Variants in UNC79 observed in about 807,000 individuals in gnomAD.
UNC79 encodes protein unc-79 homolog.
A neutral mutation model predicts 283.1 loss-of-function variants in UNC79; 37 were observed. That is an observed-to-expected ratio of 0.13 (90% CI 0.10 to 0.17). The LOEUF (loss-of-function observed/expected upper bound fraction) is 0.17, where lower values mean the gene tolerates loss of function less well. UNC79 is among the 10% of genes least tolerant of loss of function. The pLI, the probability that UNC79 is intolerant of heterozygous loss-of-function variation, is 1.00. For missense variants in UNC79, 2,272 were observed against 3,211.1 expected, an observed-to-expected ratio of 0.71 and a Z score of 7.07; for synonymous variants, 1,107 against 1,200.2, an observed-to-expected ratio of 0.92 and a Z score of 1.61.
At chr14:93,349,564 T>A (rs957329014) in intron 1 of UNC79, among the ~76,000 whole-genome samples, 2 of 152,236 alleles carry the variant, frequency 1.3e-5, no homozygotes, top group African/African-American at 4.8e-5. Context: ...CAAAACTTTC[T>A]TCCCTTTTAT....
rs147453733 is a variant in UNC79 at position 93,670,287 on chromosome 14, TG to T, written c.6637-3061del. On this transcript the variant is annotated intron_variant, in intron 40 of 48. Transcript: ENST00000555664. The stretch of plus-strand genomic sequence containing the variant: ...TACCTGGAGATAGCATCAGATCCCA[TG>T]GGTTGAGGGCTCAGCCCCTAAGACT... 4.5e-3 allele frequency among the ~76,000 whole-genome samples: 678 copies of T among 152,318 alleles called. 16 individuals are homozygous for T. In the East Asian group the frequency reaches 0.068, roughly 15 times the overall value.
At chr14:93,375,365 G>A (rs2054534063) in intron 1 of UNC79, among the ~76,000 whole-genome samples, 1 of 152,186 alleles carries the variant, frequency 6.6e-6, no homozygotes, top group South Asian at 2.1e-4. Flanking sequence ...CTGAGTGACA[G>A]AGTAAGACCC....
chr14:93,396,234 G>GT (rs549450723), intron 1 of UNC79, among the ~76,000 whole-genome samples: 108 of 133,334 alleles, frequency 8.1e-4, no homozygotes, highest in East Asian at 2.2e-3. Context: ...TTTTCTCTTT[G>GT]TTTTTTTTTT....
intron 1 of UNC79, among the ~76,000 whole-genome samples, chr14:93,380,822 T>C (rs1163706242): frequency 6.6e-6 from 1 of 152,200 alleles, no homozygotes; most frequent in African/African-American, 2.4e-5. Context: ...TTTGCCAAAA[T>C]TGTAATATAT....
intron 1 of UNC79, among the ~76,000 whole-genome samples, chr14:93,368,326 T>C (rs763430135): frequency 6.6e-6 from 1 of 152,198 alleles, no homozygotes; most frequent in African/African-American, 2.4e-5. Flanking sequence ...TCTAAAGATA[T>C]GTTTACTAGA....
At chr14:93,511,368 T>C (rs1445692999) in intron 7 of UNC79, among the ~76,000 whole-genome samples, 3 of 152,336 alleles carry the variant, frequency 2.0e-5, no homozygotes, top group African/African-American at 7.2e-5. Flanking sequence ...GCAAATCTCC[T>C]TTATATCAGT....
At chr14:93,420,748 A>T (rs929395569) in intron 1 of UNC79, among the ~76,000 whole-genome samples, 1 of 151,826 alleles carries the variant, frequency 6.6e-6, no homozygotes, top group African/African-American at 2.4e-5. Context: ...TTAAAATAAT[A>T]TCAAGCACTT....
At chr14:93,446,415 G>GGATGGA in intron 1 of UNC79, among the ~76,000 whole-genome samples, 1 of 150,196 alleles carries the variant, frequency 6.7e-6, no homozygotes, top group East Asian at 1.9e-4. Flanking sequence ...TTTTGGTGGG[G>GGATGGA]GATGGAGTTT....
At chr14:93,454,028 C>T (rs2140182847) in intron 1 of UNC79, among the ~76,000 whole-genome samples, 1 of 149,196 alleles carries the variant, frequency 6.7e-6, no homozygotes, top group Non-Finnish European at 1.5e-5. Context: ...GAAGCATTTC[C>T]ATGTTTAGAC....
chr14:93,471,953 G>A (rs572576557), intron 2 of UNC79, among the ~76,000 whole-genome samples: 1 of 152,004 alleles, frequency 6.6e-6, no homozygotes, highest in South Asian at 2.1e-4. Context: ...AAATACTAAG[G>A]TATATTTGAA....
chr14:93,665,844 A>T (rs928822116), intron 40 of UNC79, among the ~76,000 whole-genome samples: 1 of 152,118 alleles, frequency 6.6e-6, no homozygotes, highest in Non-Finnish European at 1.5e-5. Context: ...CTTCTAATAG[A>T]TTCTTACTGA....
At chr14:93,635,236 TTGTTAC>T (rs1277897025) in intron 31 of UNC79, among the ~76,000 whole-genome samples, 2 of 152,222 alleles carry the variant, frequency 1.3e-5, no homozygotes, top group Non-Finnish European at 2.9e-5. Context: ...TTTCTAAACT[TTGTTAC>T]CACGTTTTGT....
At chr14:93,347,501 AG>A (rs2053879812) in intron 1 of UNC79, 1 of 1,268,002 alleles carries the variant, frequency 7.9e-7, no homozygotes, top group Non-Finnish European at 1.0e-6. Context: ...CTCGCGTGGG[AG>A]GCTCTTGTGG....
At chr14:93,561,998 T>C (rs953677427) in intron 14 of UNC79, among the ~76,000 whole-genome samples, 8 of 152,122 alleles carry the variant, frequency 5.3e-5, no homozygotes, top group South Asian at 2.1e-4. Flanking sequence ...ATAGACCTAA[T>C]AGAATGAAGG....
At chr14:93,479,957 T>C (rs2058040208) in intron 4 of UNC79, among the ~76,000 whole-genome samples, 1 of 152,350 alleles carries the variant, frequency 6.6e-6, no homozygotes, top group East Asian at 1.9e-4. Context: ...TTAATCTAAT[T>C]CACTAAATCC....
intron 5 of UNC79, among the ~76,000 whole-genome samples, chr14:93,493,890 TATATATATATA>T (rs1402732951): frequency 1.1e-4 from 8 of 70,838 alleles, no homozygotes; most frequent in East Asian, 3.9e-4. Flanking sequence ...TATATATATA[TATATATATATA>T]TTTTTTTTTT....
At chr14:93,625,764 T>C (rs998446102) in intron 30 of UNC79, among the ~76,000 whole-genome samples, 1 of 152,224 alleles carries the variant, frequency 6.6e-6, no homozygotes, top group African/African-American at 2.4e-5. Flanking sequence ...TCTTGGGCCT[T>C]TCCCTTTTTA....
chr14:93,426,598 T>C (rs180739449), upstream of UNC79, among the ~76,000 whole-genome samples: 408 of 152,052 alleles, frequency 2.7e-3, 1 homozygote, highest in African/African-American at 9.3e-3. Context: ...TTTACAGTGA[T>C]TTATCTTTAA....
At chr14:93,566,828 A>G (rs572687556) in intron 14 of UNC79, among the ~76,000 whole-genome samples, 1 of 152,198 alleles carries the variant, frequency 6.6e-6, no homozygotes, top group Admixed American at 6.5e-5. Context: ...CATGTTGGCA[A>G]GGATGGTCTT....
Sources: allele counts gnomAD v4.1 joint callset (sites outside exome capture counted in the v4.1 genomes callset), GRCh38; gene constraint gnomAD v4.1.1; transcripts MANE v1.5; gene names NCBI Gene and HGNC (gene_info 2026-07-23, HGNC 2026-07-21).